NID1: variants seen among roughly 807,000 people sequenced by gnomAD.
NID1 encodes the protein nidogen-1.
NID1 carries 76 observed loss-of-function variants against 130.6 expected under a neutral mutation model. The observed-to-expected ratio is 0.58, with a 90% CI of 0.48 to 0.70. The LOEUF is 0.70. Ranked by LOEUF, NID1 falls within the 30% of genes least tolerant of loss-of-function variation. NID1 has a pLI of 0.00. For missense variants in NID1, 1,517 were observed against 1,664.8 expected (o/e 0.91, Z 1.54); for synonymous variants, 665 against 675.1 (o/e 0.98, Z 0.23).
intron 8 of NID1, among the ~76,000 whole-genome samples, chr1:236,024,534 A>G (rs1363822702): frequency 1.3e-5 from 2 of 152,222 alleles, no homozygotes; most frequent in African/African-American, 4.8e-5. Context: ...AATACCTACT[A>G]TCTGGTCCTT....
intron 9 of NID1, among the ~76,000 whole-genome samples, chr1:236,020,752 T>C (rs1658737506): frequency 6.6e-6 from 1 of 152,218 alleles, no homozygotes; most frequent in South Asian, 2.1e-4. Flanking sequence ...TCTCGATACA[T>C]TAACACTTCA....
At chr1:235,995,242 C>T (rs558378287) in intron 12 of NID1, among the ~76,000 whole-genome samples, 7 of 152,302 alleles carry the variant, frequency 4.6e-5, no homozygotes, top group East Asian at 1.9e-4. Flanking sequence ...TCTTACATGG[C>T]GTTCACATTG....
chr1:236,054,334 T>C (rs370699054), intron 1 of NID1, among the ~76,000 whole-genome samples: 1 of 152,098 alleles, frequency 6.6e-6, no homozygotes, highest in East Asian at 1.9e-4. Flanking sequence ...CAGGTGCCTG[T>C]AATCCCAGCT....
At chr1:236,006,906 G>C (rs1207752262) in intron 12 of NID1, among the ~76,000 whole-genome samples, 2 of 152,190 alleles carry the variant, frequency 1.3e-5, no homozygotes, top group Non-Finnish European at 2.9e-5. Flanking sequence ...AGAGGAGGAA[G>C]TGGAGGCAGC....
chr1:236,022,194 G>C (rs1172803871), intron 9 of NID1, among the ~76,000 whole-genome samples: 1 of 152,068 alleles, frequency 6.6e-6, no homozygotes, highest in East Asian at 1.9e-4. Context: ...CTGAGCCCAG[G>C]AGGTTGAGGC....
At chr1:236,044,684 T>C (rs1258060658) in intron 3 of NID1, among the ~76,000 whole-genome samples, 1 of 152,214 alleles carries the variant, frequency 6.6e-6, no homozygotes, top group Non-Finnish European at 1.5e-5. Flanking sequence ...CACTCTTGGT[T>C]TTTAAAGAAT....
intron 7 of NID1, among the ~76,000 whole-genome samples, chr1:236,027,284 T>C (rs545471909): frequency 9.9e-5 from 15 of 152,266 alleles, no homozygotes; most frequent in African/African-American, 3.6e-4. Flanking sequence ...TTTATATCTT[T>C]GTGCTCTGCT....
Position 235,977,762 on chromosome 1 carries a change from G to T in NID1, c.*105C>A. ...GGGGCTCAGGCTGGGCTGGGTCTGG[G>T]CCTAGTGGCCACTCAGCCAGAGGAC... On this transcript the variant is annotated 3_prime_UTR_variant, in exon 20 of 20. Coordinates refer to ENST00000264187, the MANE Select transcript of NID1 (RefSeq NM_002508.3). 7.4e-7 allele frequency: 1 copy of T among 1,351,244 alleles called. No individual in the cohort carries two copies. Among genetic ancestry groups the T allele is most frequent in the Admixed American group, 1.9e-5 (1 of 53,784 alleles). The allele number at this position is 1,351,244 out of a possible 1,614,324, so 83.7% of individuals were successfully genotyped here.
At chr1:236,046,482 G>A (rs936726917) in intron 2 of NID1, among the ~76,000 whole-genome samples, 1 of 152,134 alleles carries the variant, frequency 6.6e-6, no homozygotes, top group Non-Finnish European at 1.5e-5. Flanking sequence ...GGAGGCTGTG[G>A]TTGGTCAAGG....
chr1:236,036,659 G>A (rs1659271471), intron 5 of NID1, among the ~76,000 whole-genome samples: 1 of 152,202 alleles, frequency 6.6e-6, no homozygotes, highest in Non-Finnish European at 1.5e-5. Flanking sequence ...AGCTGATTGG[G>A]TCATGAGGGC....
chr1:236,032,949 T>C (rs1659143088), intron 5 of NID1, among the ~76,000 whole-genome samples: 1 of 151,980 alleles, frequency 6.6e-6, no homozygotes, highest in Non-Finnish European at 1.5e-5. Flanking sequence ...AAAACAGAAT[T>C]TCAGAAGAAG....
At chr1:236,062,144 G>T (rs917355524) in intron 1 of NID1, among the ~76,000 whole-genome samples, 1 of 152,120 alleles carries the variant, frequency 6.6e-6, no homozygotes, top group African/African-American at 2.4e-5. Flanking sequence ...AATGCAGTTT[G>T]TCTCAAAGAC....
intron 14 of NID1, among the ~76,000 whole-genome samples, chr1:235,990,304 T>A (rs535321967): frequency 6.6e-6 from 1 of 152,288 alleles, no homozygotes; most frequent in Admixed American, 6.5e-5. Flanking sequence ...AATCTTCAAG[T>A]AGACTTTGTG....
Position 236,032,596 on chromosome 1 carries a change from G to C in NID1, c.1342C>G (p.Gln448Glu). Reference sequence around the variant, plus strand: ...GTGTTCTCAAAGACAATGGGGACCTGGCTGCTCCCCACAAAGATCCTTCCT... The same window carrying C: ...GTGTTCTCAAAGACAATGGGGACCTCGCTGCTCCCCACAAAGATCCTTCCT... ...VKGRIFVGSS[Q>E]VPIVFENTDL... The change falls in exon 6 of 20, where the codon CAG (glutamine) becomes GAG (glutamate). Residue 448 changes from glutamine (Q) to glutamate (E), a missense_variant. This residue lies in a region of NID1 where 1,329 missense variants were observed against 1,429.2 expected (regional missense o/e 0.93). Coordinates refer to ENST00000264187, the MANE Select transcript of NID1 (RefSeq NM_002508.3). 6.2e-7 allele frequency: 1 copy of C among 1,614,130 alleles called. No homozygotes were observed. The highest frequency in any genetic ancestry group is 2.2e-5 in the East Asian group (1 of 44,890).
intron 4 of NID1, among the ~76,000 whole-genome samples, 182 bp downstream of exon 4, chr1:236,041,728 T>C (rs2102839949): frequency 6.6e-6 from 1 of 152,334 alleles, no homozygotes; most frequent in East Asian, 1.9e-4. Flanking sequence ...TGAGCATCTC[T>C]GAAGCCACTG....
At chr1:236,002,319 A>G (rs1169481366) in intron 12 of NID1, among the ~76,000 whole-genome samples, 1 of 152,184 alleles carries the variant, frequency 6.6e-6, no homozygotes, top group African/African-American at 2.4e-5. Context: ...CCTGGCTAAC[A>G]TGGTGAAACC....
At chr1:236,030,109 TA>T (rs1456683783) in intron 6 of NID1, among the ~76,000 whole-genome samples, 1 of 152,020 alleles carries the variant, frequency 6.6e-6, no homozygotes, top group Non-Finnish European at 1.5e-5. Flanking sequence ...CCCTGATGAT[TA>T]AAAAAAGGAT....
At chr1:236,008,443 G>A (rs2102813592) in intron 12 of NID1, among the ~76,000 whole-genome samples, 1 of 152,194 alleles carries the variant, frequency 6.6e-6, no homozygotes, top group Non-Finnish European at 1.5e-5. Flanking sequence ...TAGGCACCAG[G>A]AGACCAGATG....
At chr1:235,984,174 C>A (rs1352088494) in intron 15 of NID1, among the ~76,000 whole-genome samples, 1 of 152,146 alleles carries the variant, frequency 6.6e-6, no homozygotes, top group African/African-American at 2.4e-5. Flanking sequence ...TTCCCCTCTT[C>A]CACTGGGTTT....
Sources: gnomAD v4.1 joint callset for allele counts (sites outside exome capture counted in the v4.1 genomes callset) on GRCh38, gnomAD v4.1.1 for gene constraint, gnomAD v4.1.1 regional missense constraint, MANE v1.5 for transcripts, NCBI Gene and HGNC (gene_info 2026-07-23, HGNC 2026-07-21) for gene names.